The following MYH11 variants were observed in gnomAD, a reference collection of about 807,000 sequenced individuals.
MYH11 encodes myosin-11.
MYH11 carries 80 observed loss-of-function variants against 246.6 expected under a neutral mutation model. That is an observed-to-expected ratio of 0.32 (90% confidence interval 0.27 to 0.39). The LOEUF is 0.39. MYH11 is among the 10% of genes least tolerant of loss of function. The pLI is 1.00. For synonymous variants in MYH11, 1,071 were observed against 1,015.5 expected (o/e 1.05, Z -1.04); for missense variants, 2,158 against 2,546.8 (o/e 0.85, Z 3.29).
At chr16:15,739,170 G>C (rs1041984166) in intron 23 of MYH11, among the ~76,000 whole-genome samples, 2 of 151,522 alleles carry the variant, frequency 1.3e-5, no homozygotes, top group African/African-American at 4.9e-5. Context: ...TGCTATCTCA[G>C]CTCACTGCAA....
Position 15,726,851 on chromosome 16 carries a change from C to T in MYH11, c.3855G>A (p.Leu1285=). The T allele has an allele frequency of 6.2e-7, 1 of 1,611,994 alleles. No individual in the cohort carries two copies. Among genetic ancestry groups the T allele is most frequent in the South Asian group, 1.1e-5 (1 of 91,084 alleles). The change falls in exon 28 of 41, where the codon CTG becomes CTA. Residue 1285 remains leucine, a synonymous_variant. Transcript: ENST00000300036. ...RAELNDKVHK[L]QNEVESVTGM... is the part of the protein sequence containing the mutation. ...CACCACCGCGCCACCTCCTCACCTG[C>T]AGCTTGTGGACTTTGTCATTGAGCT...
At chr16:15,799,214 A>T (rs561524138) in intron 3 of MYH11, among the ~76,000 whole-genome samples, 1 of 152,162 alleles carries the variant, frequency 6.6e-6, no homozygotes, top group South Asian at 2.1e-4. Flanking sequence ...CATCACCCCT[A>T]CCGTCATGTA....
intron 11 of MYH11, among the ~76,000 whole-genome samples, chr16:15,760,062 AC>A (rs143881323): frequency 0.032 from 4,825 of 151,674 alleles, 113 homozygotes; most frequent in Non-Finnish European, 0.052. Context: ...GCACCACTGC[AC>A]CCCCCCCTGG....
intron 1 of MYH11, among the ~76,000 whole-genome samples, chr16:15,840,271 C>A (rs1268993561): frequency 6.6e-6 from 1 of 152,000 alleles, no homozygotes; most frequent in Non-Finnish European, 1.5e-5. Context: ...AATATTACAT[C>A]GTTTCCAAGA....
chr16:15,837,971 C>T lies in MYH11; in HGVS notation c.282G>A (p.Thr94=), dbSNP rs759914132. 6 of 1,614,150 alleles carry T rather than the reference C, an allele frequency of 3.7e-6. No individual in the cohort carries two copies. Among genetic ancestry groups the T allele is most frequent in the Admixed American group, 3.3e-5 (2 of 59,996 alleles). ...FSKVEDMAEL[T]CLNEASVLHN... is the part of the protein sequence containing the mutation. ...GTAGCACGGAGGCTTCGTTGAGGCACGTCAGCTCCGCCATGTCCTCCACCT... is the reference window on the plus strand; with the variant it reads ...GTAGCACGGAGGCTTCGTTGAGGCATGTCAGCTCCGCCATGTCCTCCACCT... The change falls in exon 2 of 41, where the codon ACG becomes ACA. Residue 94 remains threonine, a synonymous_variant. Coordinates refer to ENST00000300036, the MANE Select transcript of MYH11 (RefSeq NM_002474.3).
chr16:15,714,808 C>T, intron 40 of MYH11, 101 bp downstream of exon 40: 1 of 1,410,034 alleles, frequency 7.1e-7, no homozygotes, highest in Non-Finnish European at 9.9e-7. Flanking sequence ...GGAGTGGCGG[C>T]TGTGGGCACA....
chr16:15,838,363 G>A (rs942872136), intron 1 of MYH11, 94 bp from the exon 2 acceptor site: 1 of 963,272 alleles, frequency 1.0e-6, no homozygotes, highest in African/African-American at 1.6e-5. Flanking sequence ...AACTCGGTCT[G>A]CAGAGACATC....
intron 3 of MYH11, among the ~76,000 whole-genome samples, chr16:15,810,351 T>A (rs8058223): frequency 0.18 from 27,930 of 151,972 alleles, 2,878 homozygotes; most frequent in Middle Eastern, 0.27. Context: ...TACTATTTTA[T>A]AACAAATAAT....
At chr16:15,775,153 A>G (rs949625669) in intron 8 of MYH11, among the ~76,000 whole-genome samples, 1 of 152,186 alleles carries the variant, frequency 6.6e-6, no homozygotes, top group Admixed American at 6.5e-5. Flanking sequence ...CGATTTGTAT[A>G]TATTTTTAAG....
At chr16:15,812,476 GGAGGTC>G (rs2043160284) in intron 3 of MYH11, among the ~76,000 whole-genome samples, 1 of 143,780 alleles carries the variant, frequency 7.0e-6, no homozygotes, top group Non-Finnish European at 1.5e-5. Context: ...CAGCACTTTG[GGAGGTC>G]AAGGCAGGAG....
intron 11 of MYH11, 122 bp downstream of exon 11, chr16:15,760,418 A>G (rs2041842107): frequency 1.2e-6 from 1 of 825,250 alleles, no homozygotes; most frequent in African/African-American, 1.7e-5. Flanking sequence ...GGATGGACAG[A>G]TGCAGAGGCA....
intron 11 of MYH11, among the ~76,000 whole-genome samples, chr16:15,759,983 G>A (rs140081225): frequency 5.4e-4 from 82 of 152,252 alleles, no homozygotes; most frequent in African/African-American, 1.9e-3. Flanking sequence ...TGTAGTCCCA[G>A]CTGCTTGGGG....
intron 28 of MYH11, chr16:15,725,560 T>C (rs183920695): frequency 2.4e-6 from 1 of 408,510 alleles, no homozygotes; most frequent in East Asian, 3.5e-5. Context: ...ATAAGTCCCT[T>C]TGAGGCTGTT....
chr16:15,715,234 T>C lies in MYH11; in HGVS notation c.5543A>G (p.Asp1848Gly). The change falls in exon 39 of 41, where the codon GAC becomes GGC. Residue 1848 changes from aspartate to glycine, a missense_variant. Physicochemically the swap from Asp to Gly is moderately conservative, Grantham distance 94. Coordinates refer to ENST00000300036, the MANE Select transcript of MYH11 (RefSeq NM_002474.3). ...CAGCAAGATTTCCTTCAGCTTCTTG[T>C]CTTTCTGCTTCAGCGACTTGGTGGC... ...QAATKSLKQK[D>G]KKLKEILLQV... 1 of 1,614,168 alleles carries C rather than the reference T, an allele frequency of 6.2e-7. No homozygotes were observed.
intron 1 of MYH11, among the ~76,000 whole-genome samples, chr16:15,848,406 G>A (rs954708833): frequency 6.6e-6 from 1 of 151,746 alleles, no homozygotes; most frequent in African/African-American, 2.4e-5. Flanking sequence ...GCTAATTTTT[G>A]TATTTTTAGT....
chr16:15,715,017 G>A lies in MYH11; in HGVS notation c.5678C>T (p.Ser1893Phe), dbSNP rs762473731. 2 of 1,613,902 alleles carry A rather than the reference G, an allele frequency of 1.2e-6. No homozygotes were observed. Among genetic ancestry groups the A allele is most frequent in the South Asian group, 2.2e-5 (2 of 91,078 alleles). Residue 1893 changes from serine (S) to phenylalanine (F), a missense_variant, in exon 40 of 41, where the codon TCC becomes TTC. By Grantham distance (155) the Ser-to-Phe change is radical. Around this residue, in one of 11 missense-constraint regions of MYH11, gnomAD observed 1,013 missense variants for 993.5 expected, o/e 1.02. Transcript: ENST00000300036. ...CCTGCGGTTGGCGTTGATGCGCTGG[G>A]ACTCCTCCTCTGCCTCCTCCAGCTG... ...KRQLEEAEEE[S>F]QRINANRRKL...
At chr16:15,847,266 T>C (rs950697432) in intron 1 of MYH11, among the ~76,000 whole-genome samples, 5 of 89,738 alleles carry the variant, frequency 5.6e-5, no homozygotes, top group African/African-American at 1.2e-4. Context: ...TTTTTTTTTT[T>C]CTGAGACAGG....
intron 40 of MYH11, among the ~76,000 whole-genome samples, chr16:15,709,490 T>C (rs1221023039): frequency 6.6e-6 from 1 of 152,138 alleles, no homozygotes; most frequent in Non-Finnish European, 1.5e-5. Context: ...AATTTTCATA[T>C]TTTTAGTAGA....
At chr16:15,723,980 T>C (rs986400343) in intron 31 of MYH11, among the ~76,000 whole-genome samples, 181 bp downstream of exon 31, 4 of 152,214 alleles carry the variant, frequency 2.6e-5, no homozygotes, top group Admixed American at 2.0e-4. Context: ...CCATCCTTAC[T>C]GTGACCTGGT....
Sources: allele counts gnomAD v4.1 joint callset (sites outside exome capture counted in the v4.1 genomes callset), GRCh38; gene constraint gnomAD v4.1.1; regional missense constraint gnomAD v4.1.1; transcripts MANE v1.5; gene names NCBI Gene and HGNC (gene_info 2026-07-23, HGNC 2026-07-21).